TUNAR: variants seen among roughly 807,000 people sequenced by gnomAD.
TUNAR encodes the protein protein TUNAR.
At chr14:95,901,060 C>G (rs1439345172) in intron 2 of TUNAR, among the ~76,000 whole-genome samples, 1 of 152,150 alleles carries the variant, frequency 6.6e-6, no homozygotes, top group African/African-American at 2.4e-5. Flanking sequence ...ATAGGTTTCT[C>G]TCTTTTCTTT....
At chr14:95,920,945 C>T (rs1266683167) in intron 2 of TUNAR, among the ~76,000 whole-genome samples, 3 of 152,254 alleles carry the variant, frequency 2.0e-5, no homozygotes. Context: ...AGTCAGCAAG[C>T]GGGAGACCCA....
chr14:95,898,736 A>G (rs1889302426), intron 2 of TUNAR, among the ~76,000 whole-genome samples: 1 of 152,102 alleles, frequency 6.6e-6, no homozygotes, highest in Non-Finnish European at 1.5e-5. Context: ...TATAGCTACT[A>G]GTATACTGAG....
At chr14:95,899,703 A>AG (rs1028243684) in intron 2 of TUNAR, among the ~76,000 whole-genome samples, 3 of 151,912 alleles carry the variant, frequency 2.0e-5, no homozygotes, top group South Asian at 4.2e-4. Context: ...TAGTGGAGGG[A>AG]GGGGTGGAGA....
chr14:95,903,135 C>T (rs1329792847), intron 2 of TUNAR, among the ~76,000 whole-genome samples: 1 of 152,098 alleles, frequency 6.6e-6, no homozygotes, highest in Non-Finnish European at 1.5e-5. Flanking sequence ...ATGGCCTTGG[C>T]GAACATGAGA....
intron 2 of TUNAR, among the ~76,000 whole-genome samples, chr14:95,899,602 G>T (rs1268498609): frequency 6.6e-6 from 1 of 152,166 alleles, no homozygotes; most frequent in Non-Finnish European, 1.5e-5. Flanking sequence ...GGAAGCTGGG[G>T]ATTCCAAGAT....
intron 2 of TUNAR, among the ~76,000 whole-genome samples, chr14:95,878,221 A>C (rs1888921745): frequency 6.6e-6 from 1 of 152,246 alleles, no homozygotes; most frequent in Non-Finnish European, 1.5e-5. Flanking sequence ...TTTAATGCAG[A>C]TACGATGCCT....
At chr14:95,889,911 G>A (rs1434886798) in intron 2 of TUNAR, among the ~76,000 whole-genome samples, 6 of 149,772 alleles carry the variant, frequency 4.0e-5, no homozygotes, top group Non-Finnish European at 5.9e-5. Flanking sequence ...AGCATTTCAC[G>A]AGGCCTACCT....
intron 2 of TUNAR, among the ~76,000 whole-genome samples, chr14:95,879,251 T>C (rs1265376616): frequency 6.6e-5 from 10 of 152,228 alleles, no homozygotes; most frequent in African/African-American, 2.2e-4. Flanking sequence ...GAAACGGGCA[T>C]GTCCCACCTT....
At chr14:95,894,652 G>C (rs1222881831) in intron 2 of TUNAR, among the ~76,000 whole-genome samples, 3 of 152,192 alleles carry the variant, frequency 2.0e-5, no homozygotes, top group Admixed American at 6.5e-5. Flanking sequence ...TGAGCTGTAG[G>C]TCTATAGATT....
At chr14:95,883,302 C>T (rs1889010747) in intron 2 of TUNAR, among the ~76,000 whole-genome samples, 1 of 152,192 alleles carries the variant, frequency 6.6e-6, no homozygotes, top group Non-Finnish European at 1.5e-5. Flanking sequence ...ATCCCTGTGG[C>T]GGTTGAGAGT....
intron 2 of TUNAR, among the ~76,000 whole-genome samples, chr14:95,882,335 G>GAT (rs1888993323): frequency 6.6e-6 from 1 of 152,216 alleles, no homozygotes; most frequent in African/African-American, 2.4e-5. Flanking sequence ...GATAAGATAA[G>GAT]AAGACAGAGA....
chr14:95,887,824 A>T (rs747958750), intron 2 of TUNAR, among the ~76,000 whole-genome samples: 51 of 152,202 alleles, frequency 3.4e-4, no homozygotes, highest in Non-Finnish European at 1.2e-4. Context: ...TAGAAAATGT[A>T]TGAGTTCTGT....
intron 2 of TUNAR, among the ~76,000 whole-genome samples, chr14:95,877,778 T>A (rs1213969346): frequency 1.3e-5 from 2 of 152,380 alleles, no homozygotes; most frequent in East Asian, 1.9e-4. Context: ...AATGAGTATC[T>A]GTTCTGATGA....
chr14:95,879,751 C>G (rs1888948596), intron 2 of TUNAR, among the ~76,000 whole-genome samples: 2 of 151,638 alleles, frequency 1.3e-5, no homozygotes, highest in South Asian at 4.2e-4. Flanking sequence ...TCTTCCACAC[C>G]ATACATATAA....
Position 95,880,170 on chromosome 14 carries a change from G to C in TUNAR, c.12+2993G>C, listed in dbSNP as rs552599031. The stretch of plus-strand genomic sequence containing the variant: ...TGTATATGTGTGTGTATTGGTACCA[G>C]ATATTGCCCTCCAAACTCTAAGTTT... On this transcript the variant is annotated intron_variant, in intron 2 of 2. Transcript: ENST00000678517. Among the ~76,000 whole-genome samples the C allele has an allele frequency of 8.5e-5, 13 of 152,282 alleles. No individual in the cohort carries two copies. In the East Asian group the frequency reaches 2.5e-3, roughly 29 times the overall value.
chr14:95,884,289 C>T (rs887739268), intron 2 of TUNAR, among the ~76,000 whole-genome samples: 1 of 152,108 alleles, frequency 6.6e-6, no homozygotes, highest in African/African-American at 2.4e-5. Context: ...CCCTCCATCT[C>T]ACCTCCTCTC....
At chr14:95,900,158 G>A (rs1321711644) in intron 2 of TUNAR, among the ~76,000 whole-genome samples, 3 of 152,094 alleles carry the variant, frequency 2.0e-5, no homozygotes, top group Non-Finnish European at 4.4e-5. Context: ...AACATAAAAC[G>A]ATGCTTAAAT....
rs191377597 is a variant in TUNAR, at chr14:95,894,581, A to C, written c.12+17404A>C. 7.2e-5 allele frequency among the ~76,000 whole-genome samples: 11 copies of C among 152,288 alleles called. No homozygotes were observed. The East Asian group carries it at 1.9e-3, about 27-fold the overall frequency. ...TCGAAACACTTTTTTCTTGGTGTAA[A>C]CTGTTCCCAATCGATTGAGAAAGAA... On this transcript the variant is annotated intron_variant, in intron 2 of 2. Transcript: ENST00000678517.
chr14:95,917,740 C>T (rs1889629079), intron 2 of TUNAR, among the ~76,000 whole-genome samples: 1 of 152,082 alleles, frequency 6.6e-6, no homozygotes, highest in African/African-American at 2.4e-5. Context: ...TATTTCTGGG[C>T]ACTTTATATT....
Sources: gnomAD v4.1 joint callset for allele counts (sites outside exome capture counted in the v4.1 genomes callset) on GRCh38, gnomAD v4.1.1 for gene constraint, MANE v1.5 for transcripts, NCBI Gene and HGNC (gene_info 2026-07-23, HGNC 2026-07-21) for gene names.